STPG2: variants seen among roughly 807,000 people sequenced by gnomAD.
The protein encoded by STPG2 is sperm tail PG-rich repeat containing 2.
STPG2 carries 56 observed loss-of-function variants against 54.2 expected under a neutral mutation model. That is an observed-to-expected ratio of 1.03 (90% CI 0.83 to 1.29). STPG2 has a LOEUF of 1.29. Among genes scored for constraint, STPG2 ranks in the 50% most tolerant of loss-of-function variants. STPG2 has a pLI of 0.00. For synonymous variants in STPG2, 200 were observed against 181.8 expected (o/e 1.10, Z -0.81); for missense variants, 596 against 544.9 (o/e 1.09, Z -0.93).
At chr4:97,474,891 C>T (rs1253694517) in intron 4 of STPG2, among the ~76,000 whole-genome samples, 1 of 151,984 alleles carries the variant, frequency 6.6e-6, no homozygotes, top group South Asian at 2.1e-4. Flanking sequence ...AAAGATTTAA[C>T]TTATATAAAT....
At chr4:97,836,233 T>A (rs1030817795) in intron 9 of STPG2, among the ~76,000 whole-genome samples, 1 of 151,956 alleles carries the variant, frequency 6.6e-6, no homozygotes, top group Non-Finnish European at 1.5e-5. Context: ...TTCATTGTTG[T>A]CTTATTTTAA....
intron 8 of STPG2, among the ~76,000 whole-genome samples, chr4:97,934,783 T>C (rs948544781): frequency 2.0e-5 from 3 of 152,178 alleles, no homozygotes; most frequent in African/African-American, 7.2e-5. Context: ...GATTTTTGCA[T>C]CTATGTTCAT....
At chr4:97,477,831 T>A (rs186516272) in intron 4 of STPG2, among the ~76,000 whole-genome samples, 20 of 152,182 alleles carry the variant, frequency 1.3e-4, no homozygotes, top group Non-Finnish European at 2.8e-4. Flanking sequence ...TCCTTGTTTT[T>A]GTCATTATCT....
intron 10 of STPG2, among the ~76,000 whole-genome samples, chr4:97,570,096 G>A (rs955341194): frequency 6.6e-6 from 1 of 151,948 alleles, no homozygotes; most frequent in East Asian, 1.9e-4. Context: ...GAAAGACAAA[G>A]CCTCTTTCAG....
intron 8 of STPG2, among the ~76,000 whole-genome samples, chr4:97,863,147 T>A (rs551489934): frequency 6.6e-6 from 1 of 152,042 alleles, no homozygotes; most frequent in Admixed American, 6.6e-5. Flanking sequence ...AAAAAATCAA[T>A]GAATCCAGGA....
At chr4:97,993,090 G>A (rs1313635410) in intron 5 of STPG2, among the ~76,000 whole-genome samples, 1 of 152,100 alleles carries the variant, frequency 6.6e-6, no homozygotes, top group Non-Finnish European at 1.5e-5. Context: ...TCTCTTGTCT[G>A]ATTGCTCTGG....
intron 9 of STPG2, among the ~76,000 whole-genome samples, chr4:97,796,282 A>G (rs1727174128): frequency 6.6e-6 from 1 of 152,216 alleles, no homozygotes; most frequent in Non-Finnish European, 1.5e-5. Flanking sequence ...GCCCATGCCT[A>G]CGATCTAAAT....
intron 4 of STPG2, among the ~76,000 whole-genome samples, chr4:97,470,236 G>T (rs1044692258): frequency 1.3e-5 from 2 of 152,050 alleles, no homozygotes; most frequent in Admixed American, 6.6e-5. Context: ...TATGATAGAT[G>T]AATCCTCTTA....
chr4:98,027,238 C>T (rs981986444), intron 5 of STPG2, among the ~76,000 whole-genome samples: 2 of 152,110 alleles, frequency 1.3e-5, no homozygotes, highest in Non-Finnish European at 2.9e-5. Flanking sequence ...TCTCTTTTAC[C>T]ATGTCAAATA....
intron 7 of STPG2, among the ~76,000 whole-genome samples, chr4:97,959,114 C>T (rs1211905911): frequency 1.3e-5 from 2 of 152,070 alleles, no homozygotes; most frequent in African/African-American, 4.8e-5. Context: ...TAATATGCTC[C>T]TGAATGATCA....
chr4:97,943,192 C>G (rs1733057636), intron 8 of STPG2, among the ~76,000 whole-genome samples: 1 of 152,190 alleles, frequency 6.6e-6, no homozygotes, highest in East Asian at 1.9e-4. Flanking sequence ...AGGTCTCCAC[C>G]CTCATGACAT....
At chr4:97,811,210 A>T (rs1315820101) in intron 9 of STPG2, among the ~76,000 whole-genome samples, 2 of 152,072 alleles carry the variant, frequency 1.3e-5, no homozygotes, top group South Asian at 2.1e-4. Context: ...AAAAAAAAAA[A>T]TCCGTTGGAG....
chr4:97,621,821 C>CA (rs1422712597), intron 10 of STPG2, among the ~76,000 whole-genome samples: 5 of 152,056 alleles, frequency 3.3e-5, no homozygotes, highest in African/African-American at 1.2e-4. Flanking sequence ...AGCCACACAA[C>CA]AAAAAACGAA....
At chr4:98,095,369 A>G (rs1312592039) in intron 5 of STPG2, among the ~76,000 whole-genome samples, 1 of 152,228 alleles carries the variant, frequency 6.6e-6, no homozygotes, top group Non-Finnish European at 1.5e-5. Context: ...CAATTAAAAG[A>G]CATAGAGCAG....
chr4:98,004,239 C>A (rs1466232476), intron 5 of STPG2, among the ~76,000 whole-genome samples: 1 of 152,146 alleles, frequency 6.6e-6, no homozygotes, highest in Non-Finnish European at 1.5e-5. Flanking sequence ...TGAGATCATG[C>A]ATCTTTCTGT....
At chr4:97,886,095 T>C (rs1252339510) in intron 8 of STPG2, among the ~76,000 whole-genome samples, 3 of 152,168 alleles carry the variant, frequency 2.0e-5, no homozygotes, top group Non-Finnish European at 4.4e-5. Flanking sequence ...TACATACTAA[T>C]ACTTATAATT....
chr4:97,564,080 A>T (rs1313070420), intron 10 of STPG2, among the ~76,000 whole-genome samples: 1 of 152,194 alleles, frequency 6.6e-6, no homozygotes, highest in Non-Finnish European at 1.5e-5. Context: ...GTCTCATTGT[A>T]GGTCACTGAG....
chr4:97,564,468 C>T (rs1732364892), intron 10 of STPG2, among the ~76,000 whole-genome samples: 1 of 152,106 alleles, frequency 6.6e-6, no homozygotes, highest in Admixed American at 6.5e-5. Flanking sequence ...GTATTTGAGC[C>T]TGTCATTATG....
chr4:98,075,184 C>T (rs569619849), intron 5 of STPG2, among the ~76,000 whole-genome samples: 13 of 152,294 alleles, frequency 8.5e-5, no homozygotes, highest in African/African-American at 2.9e-4. Flanking sequence ...TTCCCAGGAG[C>T]ACCATGAGAC....
Sources: gnomAD v4.1 joint callset for allele counts (sites outside exome capture counted in the v4.1 genomes callset) on GRCh38, gnomAD v4.1.1 for gene constraint, MANE v1.5 for transcripts, NCBI Gene and HGNC (gene_info 2026-07-23, HGNC 2026-07-21) for gene names.